The following COL21A1 variants were observed in gnomAD, a reference collection of about 807,000 sequenced individuals.
COL21A1 encodes the protein collagen type XXI alpha 1 chain.
A neutral mutation model predicts 137.9 loss-of-function variants in COL21A1; 149 were observed. That is an observed-to-expected ratio of 1.08 (90% CI 0.95 to 1.24). COL21A1 has a LOEUF of 1.24. Ranked by LOEUF, COL21A1 falls within the 50% of genes most tolerant of loss-of-function variation. The pLI is 0.00. For missense variants in COL21A1, 1,167 were observed against 1,158.4 expected (o/e 1.01, Z -0.11); for synonymous variants, 456 against 391.5 (o/e 1.16, Z -1.95).
chr6:56,143,131 C>T (rs1233981203), intron 10 of COL21A1, among the ~76,000 whole-genome samples: 4 of 151,518 alleles, frequency 2.6e-5, no homozygotes. Flanking sequence ...CATGCATTTA[C>T]ATTTTCTATT....
At chr6:56,220,273 T>C (rs1421073756) in intron 1 of COL21A1, among the ~76,000 whole-genome samples, 4 of 152,014 alleles carry the variant, frequency 2.6e-5, no homozygotes, top group African/African-American at 9.7e-5. Flanking sequence ...ACACAAAAGA[T>C]GTACAAAGAA....
intron 1 of COL21A1, among the ~76,000 whole-genome samples, chr6:56,268,726 C>G (rs1763453202): frequency 6.6e-6 from 1 of 152,146 alleles, no homozygotes; most frequent in African/African-American, 2.4e-5. Context: ...TTCAAAAAGG[C>G]AAAGTGTTCC....
chr6:56,243,388 T>G (rs761861393), intron 1 of COL21A1, among the ~76,000 whole-genome samples: 2 of 152,112 alleles, frequency 1.3e-5, no homozygotes, highest in Admixed American at 6.5e-5. Context: ...TGTTCTAAAT[T>G]TATTATTTTC....
At chr6:56,098,658 TATATATAAATATATATATAA>T (rs1770081182) in intron 17 of COL21A1, among the ~76,000 whole-genome samples, 2 of 20,772 alleles carry the variant, frequency 9.6e-5, no homozygotes, top group African/African-American at 3.8e-4. Flanking sequence ...AATATATAAA[TATATATAAATATATATATAA>T]ATATATATAA....
chr6:56,110,237 C>A (rs1582381590), intron 16 of COL21A1, among the ~76,000 whole-genome samples: 1 of 141,950 alleles, frequency 7.0e-6, no homozygotes. Flanking sequence ...ATAATCAAGT[C>A]AGTGAAGGCA....
At chr6:56,150,785 A>G (rs1775259841) in intron 10 of COL21A1, among the ~76,000 whole-genome samples, 2 of 152,204 alleles carry the variant, frequency 1.3e-5, no homozygotes, top group South Asian at 4.1e-4. Flanking sequence ...CCTAGGCCTC[A>G]TCTGGAACCA....
intron 16 of COL21A1, among the ~76,000 whole-genome samples, chr6:56,115,179 G>A (rs1771809478): frequency 6.6e-6 from 1 of 150,982 alleles, no homozygotes; most frequent in African/African-American, 2.4e-5. Flanking sequence ...AGCATTGGGA[G>A]ATATACCTAA....
intron 1 of COL21A1, among the ~76,000 whole-genome samples, chr6:56,268,186 T>C (rs1003966239): frequency 2.0e-5 from 3 of 152,018 alleles, no homozygotes; most frequent in Admixed American, 2.0e-4. Context: ...AATGCATGGG[T>C]TCATGGGCCG....
chr6:56,174,441 C>T (rs1002057301), intron 3 of COL21A1, among the ~76,000 whole-genome samples: 2 of 151,736 alleles, frequency 1.3e-5, no homozygotes, highest in Non-Finnish European at 2.9e-5. Flanking sequence ...TAAGTAAAAA[C>T]AGAGAAGACT....
chr6:56,098,578 T>A (rs868141442), intron 17 of COL21A1, among the ~76,000 whole-genome samples: 2 of 19,556 alleles, frequency 1.0e-4, no homozygotes, highest in Non-Finnish European at 1.7e-4. Flanking sequence ...TATATATAAA[T>A]ATATATAAAT....
intron 1 of COL21A1, among the ~76,000 whole-genome samples, chr6:56,367,856 A>G (rs1562074446): frequency 6.6e-6 from 1 of 152,208 alleles, no homozygotes; most frequent in African/African-American, 2.4e-5. Flanking sequence ...CTGGGACTAC[A>G]GGCATACGCC....
chr6:56,298,388 T>C (rs1764206805), intron 1 of COL21A1, among the ~76,000 whole-genome samples: 2 of 152,118 alleles, frequency 1.3e-5, no homozygotes, highest in South Asian at 4.1e-4. Context: ...AGTTGCAAAC[T>C]TGGGGTGCCT....
intron 1 of COL21A1, among the ~76,000 whole-genome samples, chr6:56,196,586 C>A (rs1779038619): frequency 6.6e-6 from 1 of 151,872 alleles, no homozygotes; most frequent in African/African-American, 2.4e-5. Context: ...TATCCTAAAA[C>A]AAATTAAGAA....
At chr6:56,268,851 A>G (rs1034480565) in intron 1 of COL21A1, among the ~76,000 whole-genome samples, 1 of 152,224 alleles carries the variant, frequency 6.6e-6, no homozygotes, top group African/African-American at 2.4e-5. Context: ...TGCAGGAGAA[A>G]GTTGAAACTC....
intron 17 of COL21A1, among the ~76,000 whole-genome samples, chr6:56,097,332 A>C (rs1225574057): frequency 6.6e-6 from 1 of 152,092 alleles, no homozygotes; most frequent in African/African-American, 2.4e-5. Context: ...AATAACGTCT[A>C]CTACCCCATT....
rs1562057283 is a variant in COL21A1 at position 56,325,647 on chromosome 6, T to TA, written c.-39+68323dup. Among the ~76,000 whole-genome samples, 7 of 920 alleles carry TA rather than the reference T, an allele frequency of 7.6e-3. 1 individual carries two copies. The Non-Finnish European group carries it at 0.11, about 15-fold the overall frequency. The allele number at this position is 920 out of a possible 152,430, so 0.6% of individuals were successfully genotyped here. On this transcript the variant is annotated intron_variant, in intron 1 of 28. Coordinates refer to the COL21A1 transcript ENST00000370819. ...AATCTATTATATATAATATATAATA[T>TA]AATATATTATATATTAAATATATTA... is the stretch of plus-strand genomic sequence containing the variant.
At chr6:56,382,057 T>C (rs1369828706) in intron 1 of COL21A1, among the ~76,000 whole-genome samples, 5 of 152,184 alleles carry the variant, frequency 3.3e-5, no homozygotes, top group Non-Finnish European at 7.3e-5. Context: ...AACAAAAGCA[T>C]CCTGTTTGAC....
chr6:56,101,264 C>T (rs1422480419), intron 17 of COL21A1, among the ~76,000 whole-genome samples: 1 of 152,176 alleles, frequency 6.6e-6, no homozygotes, highest in Non-Finnish European at 1.5e-5. Flanking sequence ...GTGACTCACA[C>T]TGTTTGCAAA....
At chr6:56,310,460 T>C (rs1269392166) in intron 1 of COL21A1, among the ~76,000 whole-genome samples, 2 of 152,182 alleles carry the variant, frequency 1.3e-5, no homozygotes, top group Non-Finnish European at 2.9e-5. Context: ...GATGCTAATA[T>C]CCAAGATTGA....
Sources: gnomAD v4.1 joint callset for allele counts (sites outside exome capture counted in the v4.1 genomes callset) on GRCh38, gnomAD v4.1.1 for gene constraint, MANE v1.5 for transcripts, NCBI Gene and HGNC (gene_info 2026-07-23, HGNC 2026-07-21) for gene names.